Variants in CYP39A1 observed in about 807,000 individuals in gnomAD.
CYP39A1 encodes cytochrome P450 family 39 subfamily A member 1, also known as 24-hydroxycholesterol 7-alpha-hydroxylase.
In CYP39A1, 49 loss-of-function variants were observed where a neutral mutation model predicts 58.1. The observed-to-expected ratio is 0.84, with a 90% CI of 0.67 to 1.07. CYP39A1 has a LOEUF of 1.07. Among genes scored for constraint, CYP39A1 ranks in the 50% least tolerant of loss-of-function variants. The probability of loss-of-function intolerance (pLI) is 0.00; values close to 1 mark genes in which losing one functional copy is unlikely to be tolerated. For missense variants in CYP39A1, 531 were observed against 539.4 expected (o/e 0.98, Z 0.16); for synonymous variants, 209 against 187.6 (o/e 1.11, Z -0.93).
intron 10 of CYP39A1, chr6:46,583,297 A>G: frequency 1.0e-6 from 1 of 985,400 alleles, no homozygotes; most frequent in Non-Finnish European, 1.2e-6. Context: ...GACACAGCAA[A>G]TCAGGCATCC....
At chr6:46,581,160 C>T (rs1465776198) in intron 10 of CYP39A1, among the ~76,000 whole-genome samples, 1 of 152,148 alleles carries the variant, frequency 6.6e-6, no homozygotes, top group East Asian at 1.9e-4. Context: ...GTAATCTCAG[C>T]ACTTTAGGAG....
At chr6:46,640,004 G>A (rs1224650206) in intron 2 of CYP39A1, among the ~76,000 whole-genome samples, 3 of 152,048 alleles carry the variant, frequency 2.0e-5, no homozygotes, top group African/African-American at 7.2e-5. Flanking sequence ...CCCAGCTACT[G>A]GGGAGGCTGA....
chr6:46,605,647 G>A (rs2150539413), intron 7 of CYP39A1, among the ~76,000 whole-genome samples: 1 of 152,170 alleles, frequency 6.6e-6, no homozygotes, highest in Admixed American at 6.5e-5. Context: ...AAAAACACAA[G>A]CCTCTACCTC....
chr6:46,596,163 T>C, intron 7 of CYP39A1, 43 bp from the exon 8 acceptor site: 1 of 1,496,452 alleles, frequency 6.7e-7, no homozygotes, highest in Non-Finnish European at 9.1e-7. Flanking sequence ...ACTACAGAGG[T>C]CAGAAAGTGA....
chr6:46,641,112 A>G (rs1171130302), intron 2 of CYP39A1, among the ~76,000 whole-genome samples: 3 of 152,090 alleles, frequency 2.0e-5, no homozygotes, highest in African/African-American at 7.2e-5. Flanking sequence ...CATCTGTTCA[A>G]TGAAATATTT....
At chr6:46,630,125 A>G (rs1775557492) in intron 6 of CYP39A1, among the ~76,000 whole-genome samples, 1 of 147,338 alleles carries the variant, frequency 6.8e-6, no homozygotes, top group East Asian at 1.9e-4. Context: ...AAACAACAAC[A>G]ACAACAAAAA....
rs186593505 is a variant in CYP39A1 at position 46,620,149 on chromosome 6, T to C, written c.931+5269A>G. 1.0e-3 allele frequency among the ~76,000 whole-genome samples: 154 copies of C among 152,228 alleles called. 1 individual carries two copies. The highest frequency in any genetic ancestry group is 1.8e-3 in the Non-Finnish European group (121 of 67,984). ...GATAAGAACATCAAGCTTAACATCA[T>C]TTTAACCTGCCCTATTCTCAAACCC... On this transcript the variant is annotated intron_variant, in intron 7 of 11. Coordinates refer to ENST00000275016, the MANE Select transcript of CYP39A1 (RefSeq NM_016593.5).
chr6:46,552,056 A>G lies in CYP39A1; in HGVS notation c.1339-1619T>C, dbSNP rs117198555. Among the ~76,000 whole-genome samples, 7 of 152,328 alleles carry G rather than the reference A, an allele frequency of 4.6e-5. No homozygotes were observed. In the East Asian group the frequency reaches 1.2e-3, roughly 25 times the overall value. On this transcript the variant is annotated intron_variant, in intron 11 of 11. Transcript: ENST00000275016. ...AAATAGTATAAGAAATTAAATACAG[A>G]TAATAGAATTCTTAGGAGAAAATGC...
chr6:46,639,055 T>C (rs181639070), intron 3 of CYP39A1, among the ~76,000 whole-genome samples: 1 of 152,192 alleles, frequency 6.6e-6, no homozygotes, highest in Non-Finnish European at 1.5e-5. Context: ...TCCTGGACTT[T>C]TTTCACCACT....
chr6:46,636,324 A>C, intron 5 of CYP39A1, 65 bp downstream of exon 5: 2 of 1,260,058 alleles, frequency 1.6e-6, no homozygotes, highest in Non-Finnish European at 2.3e-6. Context: ...TTAGCAAAAT[A>C]TATTTTAACA....
rs1279459720 is a variant in CYP39A1, at chr6:46,625,302, T to C, written c.931+116A>G. ...TTATATCCTGATATATAACAAATTA[T>C]GTTGAATTTTGGATTATGTTGAATT... On this transcript the variant is annotated intron_variant, in intron 7 of 11. Coordinates refer to ENST00000275016, the MANE Select transcript of CYP39A1 (RefSeq NM_016593.5). 3 of 666,234 alleles carry C rather than the reference T, an allele frequency of 4.5e-6. No homozygotes were observed. The Admixed American group carries it at 9.0e-5, about 20-fold the overall frequency. 41.3% of individuals were successfully genotyped at this position (666,234 alleles called of 1,614,324 possible).
At chr6:46,643,307 C>G (rs1033980458) in intron 1 of CYP39A1, among the ~76,000 whole-genome samples, 1 of 152,184 alleles carries the variant, frequency 6.6e-6, no homozygotes, top group African/African-American at 2.4e-5. Flanking sequence ...ATACATATCT[C>G]AAGGCATAAT....
At chr6:46,570,666 G>A (rs373750194) in intron 10 of CYP39A1, among the ~76,000 whole-genome samples, 52 of 152,258 alleles carry the variant, frequency 3.4e-4, no homozygotes, top group African/African-American at 1.2e-3. Context: ...GGCCTCAGGA[G>A]GCTTACAGTC....
rs557877060 is a variant in CYP39A1 at position 46,576,066 on chromosome 6, T to C, written c.1250+11011A>G. 8.5e-5 allele frequency among the ~76,000 whole-genome samples: 13 copies of C among 152,270 alleles called. No individual in the cohort carries two copies. The South Asian group carries it at 2.3e-3, about 27-fold the overall frequency. ...AACTTCAGGAAGCTTCCAATCATGA[T>C]GGAAGGCAAAGGGGGAGCAAGCTTC... On this transcript the variant is annotated intron_variant, in intron 10 of 11. Coordinates refer to ENST00000275016, the MANE Select transcript of CYP39A1 (RefSeq NM_016593.5).
At chr6:46,597,060 C>T (rs940594071) in intron 7 of CYP39A1, among the ~76,000 whole-genome samples, 2 of 151,996 alleles carry the variant, frequency 1.3e-5, no homozygotes, top group Non-Finnish European at 2.9e-5. Flanking sequence ...CTGGATGAGG[C>T]GTGTTCAAAA....
At chr6:46,599,638 TCA>T (rs1349634423) in intron 7 of CYP39A1, among the ~76,000 whole-genome samples, 2 of 152,124 alleles carry the variant, frequency 1.3e-5, no homozygotes, top group African/African-American at 4.8e-5. Flanking sequence ...CTGCCAGGTG[TCA>T]GTTCTGGGCC....
intron 10 of CYP39A1, among the ~76,000 whole-genome samples, chr6:46,583,985 G>T (rs1003910371): frequency 5.9e-5 from 9 of 152,084 alleles, no homozygotes; most frequent in Admixed American, 5.2e-4. Flanking sequence ...ATAAATTGGC[G>T]CCTGGAACAC....
At chr6:46,553,608 G>C (rs949971759) in intron 11 of CYP39A1, among the ~76,000 whole-genome samples, 159 bp downstream of exon 11, 6 of 152,174 alleles carry the variant, frequency 3.9e-5, no homozygotes, top group Non-Finnish European at 7.3e-5. Flanking sequence ...TAAGGAGACC[G>C]AGTATCTTCT....
At chr6:46,593,644 T>C (rs1045003712) in intron 8 of CYP39A1, among the ~76,000 whole-genome samples, 2 of 152,152 alleles carry the variant, frequency 1.3e-5, no homozygotes, top group Non-Finnish European at 2.9e-5. Context: ...TGTGTTCTAT[T>C]ACAAAATTTC....
Sources: gnomAD v4.1 joint callset for allele counts (sites outside exome capture counted in the v4.1 genomes callset) on GRCh38, gnomAD v4.1.1 for gene constraint, MANE v1.5 for transcripts, NCBI Gene and HGNC (gene_info 2026-07-23, HGNC 2026-07-21) for gene names.